ITGA6: variants seen among roughly 807,000 people sequenced by gnomAD.
The protein encoded by ITGA6 is integrin alpha-6.
Under a neutral mutation model 133.6 loss-of-function variants are expected in ITGA6, and 63 were observed. The ratio of observed to expected loss-of-function variants is 0.47; its 90% CI spans 0.38 to 0.58. ITGA6 has a LOEUF of 0.58. Ranked by LOEUF, ITGA6 falls within the 20% of genes least tolerant of loss-of-function variation. The pLI is 0.00. For missense variants in ITGA6, 1,068 were observed against 1,309.4 expected (o/e 0.82, Z 2.85); for synonymous variants, 434 against 482.0 (o/e 0.90, Z 1.30).
intron 1 of ITGA6, among the ~76,000 whole-genome samples, chr2:172,429,955 C>T (rs575551777): frequency 6.6e-6 from 1 of 152,296 alleles, no homozygotes; most frequent in Admixed American, 6.5e-5. Context: ...CAACCTTTGA[C>T]AGTAAAGAAT....
chr2:172,429,170 A>C (rs1216738105), intron 1 of ITGA6, among the ~76,000 whole-genome samples: 2 of 141,460 alleles, frequency 1.4e-5, no homozygotes, highest in African/African-American at 5.1e-5. Flanking sequence ...CCTGAATTTT[A>C]GTCAGTTTTT....
At chr2:172,428,938 TC>T (rs1434764351) in intron 1 of ITGA6, among the ~76,000 whole-genome samples, 1 of 152,224 alleles carries the variant, frequency 6.6e-6, no homozygotes, top group African/African-American at 2.4e-5. Flanking sequence ...GCATTCTTCA[TC>T]TGTGCTACTG....
chr2:172,443,604 T>G (rs1684630842), intron 1 of ITGA6, among the ~76,000 whole-genome samples: 1 of 152,234 alleles, frequency 6.6e-6, no homozygotes, highest in Non-Finnish European at 1.5e-5. Flanking sequence ...TTTCCAGCCT[T>G]ATGCCCAAGC....
intron 4 of ITGA6, among the ~76,000 whole-genome samples, chr2:172,470,700 A>G (rs1309634796): frequency 6.6e-6 from 1 of 152,214 alleles, no homozygotes; most frequent in Non-Finnish European, 1.5e-5. Flanking sequence ...TTAACTAAGC[A>G]AACCTTCCAT....
intron 13 of ITGA6, among the ~76,000 whole-genome samples, chr2:172,486,572 T>G (rs565483841): frequency 9.2e-5 from 14 of 152,296 alleles, no homozygotes; most frequent in African/African-American, 3.4e-4. Flanking sequence ...AGAGGCCTGT[T>G]GTGAGGATTA....
At chr2:172,443,073 C>G (rs555809373) in intron 1 of ITGA6, among the ~76,000 whole-genome samples, 1 of 152,278 alleles carries the variant, frequency 6.6e-6, no homozygotes, top group East Asian at 1.9e-4. Context: ...CTCTGGGCAT[C>G]CTATTCTTCC....
chr2:172,450,263 GTGCAAAGAACAGCAGT>G (rs890067133), intron 1 of ITGA6, among the ~76,000 whole-genome samples: 4 of 152,200 alleles, frequency 2.6e-5, no homozygotes, highest in Admixed American at 6.5e-5. Flanking sequence ...GACCTGAGAT[GTGCAAAGAACAGCAGT>G]TGCAAAGAAC....
At chr2:172,451,542 T>G (rs1001970359) in intron 1 of ITGA6, among the ~76,000 whole-genome samples, 2 of 151,554 alleles carry the variant, frequency 1.3e-5, no homozygotes, top group African/African-American at 4.9e-5. Flanking sequence ...GTGTTAAATA[T>G]GAGATGTTAA....
chr2:172,445,652 T>TAAA (rs548737006), intron 1 of ITGA6, among the ~76,000 whole-genome samples: 1 of 138,194 alleles, frequency 7.2e-6, no homozygotes, highest in African/African-American at 2.6e-5. Context: ...CCGTCTTTTT[T>TAAA]AAAAAAAAAA....
chr2:172,470,002 A>G (rs1250958564), intron 4 of ITGA6, among the ~76,000 whole-genome samples: 1 of 152,214 alleles, frequency 6.6e-6, no homozygotes, highest in Non-Finnish European at 1.5e-5. Context: ...TTGACTGTGT[A>G]TGTATAGAAA....
At position 172,504,074 on chromosome 2, in the gene ITGA6, C is replaced by CTTTCCCTCTTCT; in HGVS notation, c.*23-16_*23-5dup. 1 of 1,549,616 alleles carries CTTTCCCTCTTCT rather than the reference C, an allele frequency of 6.5e-7. No homozygotes were observed. The highest frequency in any genetic ancestry group is 2.3e-5 in the East Asian group (1 of 43,412). ...GTGAGATTAATTTGTTTCTCTTTCT[C>CTTTCCCTCTTCT]TTTCCCTCTTCTCTAGTGTGGATTC... On this transcript the variant is annotated splice_polypyrimidine_tract_variant and intron_variant, in intron 25 of 25. Transcript: ENST00000684293.
chr2:172,472,826 T>TAAAAC, intron 5 of ITGA6: 1 of 1,612,738 alleles, frequency 6.2e-7, no homozygotes. Context: ...AGTTTGTTTA[T>TAAAAC]AAAACACGGC....
At chr2:172,472,557 C>T (rs1352622947) in intron 5 of ITGA6, among the ~76,000 whole-genome samples, 3 of 152,090 alleles carry the variant, frequency 2.0e-5, no homozygotes, top group African/African-American at 4.8e-5. Flanking sequence ...TTGTTACATT[C>T]GGTTTGTCTG....
chr2:172,427,860 C>T lies in ITGA6; in HGVS notation c.72C>T (p.Phe24=), dbSNP rs1249910018. The change falls in exon 1 of 26, where the codon TTC becomes TTT. Residue 24 remains phenylalanine (F), a synonymous_variant. Coordinates refer to ENST00000684293, the MANE Select transcript of ITGA6 (RefSeq NM_000210.4). ...TCCTGTCCCGGCTCGGCGCAGCCTT[C>T]AACTTGGACACTCGGGAGGACAACG... ...AGLLSRLGAA[F]NLDTREDNVI... The T allele has an allele frequency of 3.7e-6, 6 of 1,606,926 alleles. No homozygotes were observed. Among genetic ancestry groups the T allele is most frequent in the East Asian group, 2.3e-5 (1 of 44,336 alleles).
At chr2:172,490,725 A>G (rs1686885185) in intron 20 of ITGA6, 1 of 357,266 alleles carries the variant, frequency 2.8e-6, no homozygotes, top group East Asian at 7.2e-5. Context: ...CTCTGATCTC[A>G]GTATGCCCAC....
intron 25 of ITGA6, 166 bp from the exon 26 acceptor site, chr2:172,503,925 C>G (rs1687452198): frequency 2.1e-6 from 1 of 471,412 alleles, no homozygotes; most frequent in Admixed American, 4.0e-5. Context: ...CCCACTGGCT[C>G]TTCTTTCATT....
At chr2:172,472,775 CCTG>C in intron 5 of ITGA6, 3 of 1,600,210 alleles carry the variant, frequency 1.9e-6, no homozygotes, top group Non-Finnish European at 2.6e-6. Context: ...TGCGTACAGG[CCTG>C]CTGTTTTTGA....
chr2:172,474,840 T>C, intron 6 of ITGA6, 89 bp from the exon 7 acceptor site: 1 of 777,560 alleles, frequency 1.3e-6, no homozygotes, highest in Non-Finnish European at 2.4e-6. Flanking sequence ...GCCTTTCTAT[T>C]ATATGTCTTT....
intron 23 of ITGA6, chr2:172,495,278 G>C (rs1687082017): frequency 6.6e-6 from 1 of 152,214 alleles, no homozygotes; most frequent in Admixed American, 6.5e-5. Flanking sequence ...AGTTTCACAG[G>C]TGTGCGTCAT....
Sources: gnomAD v4.1 joint callset for allele counts (sites outside exome capture counted in the v4.1 genomes callset) on GRCh38, gnomAD v4.1.1 for gene constraint, MANE v1.5 for transcripts, NCBI Gene and HGNC (gene_info 2026-07-23, HGNC 2026-07-21) for gene names.